Variants in MKNK2 observed in about 807,000 individuals in gnomAD.
The protein encoded by MKNK2 is MAPK interacting serine/threonine kinase 2.
In MKNK2, 54 loss-of-function variants were observed where a neutral mutation model predicts 55.0. That is an observed-to-expected ratio of 0.98 (90% CI 0.79 to 1.23). The LOEUF (loss-of-function observed/expected upper bound fraction) is 1.23, where lower values mean the gene tolerates loss of function less well. Ranked by LOEUF, MKNK2 falls within the 50% of genes most tolerant of loss-of-function variation. The pLI is 0.00. For synonymous variants in MKNK2, 323 were observed against 256.0 expected, an observed-to-expected ratio of 1.26 and a Z score of -2.50; for missense variants, 685 against 632.1, an observed-to-expected ratio of 1.08 and a Z score of -0.90.
Position 2,039,639 on chromosome 19 carries a change from C to G in MKNK2, c.1372G>C (p.Val458Leu), listed in dbSNP as rs577758504. 17 of 1,612,980 alleles carry G rather than the reference C, an allele frequency of 1.1e-5. No individual in the cohort carries two copies. In the African/African-American group the frequency reaches 2.1e-4, roughly 20 times the overall value. The change falls in exon 14 of 14, where the codon GTG becomes CTG. Residue 458 changes from valine to leucine, a missense_variant. Coordinates refer to ENST00000250896, the MANE Select transcript of MKNK2 (RefSeq NM_199054.3). ...CAGGCGTGGTCTCCCACCAGGACCA[C>G]TGGGGCCGAGGACAGACTGGCCCTT... ...RQRASLSSAP[V>L]VLVGDHA
In MKNK2 at chr19:2,037,847, A is replaced by AAAC. The variant is rs1555691186; in HGVS notation, c.*1765_*1766insGTT. 234 of 1,513,060 alleles carry AAAC rather than the reference A, an allele frequency of 1.5e-4. No homozygotes were observed. The South Asian group carries it at 2.3e-3, about 15-fold the overall frequency. 93.7% of individuals were successfully genotyped at this position (1,513,060 alleles called of 1,614,324 possible). On this transcript the variant is annotated 3_prime_UTR_variant, in exon 14 of 14. Transcript: ENST00000250896. ...TGTCCCACCTTCAGAAAAAAAAAAAAAAACAAACAAACAAACGCTGCTAGC... is the reference window on the plus strand; with the variant it reads ...TGTCCCACCTTCAGAAAAAAAAAAAAAACAAACAAACAAACAAACGCTGCTAGC...
intron 2 of MKNK2, among the ~76,000 whole-genome samples, chr19:2,049,214 G>A (rs757725092): frequency 6.6e-5 from 10 of 152,204 alleles, no homozygotes; most frequent in Admixed American, 1.3e-4. Context: ...AGGCACACGC[G>A]CCTGCAGTCT....
Position 2,038,162 on chromosome 19 carries a change from A to C in MKNK2, c.*1451T>G. 1 of 1,037,698 alleles carries C rather than the reference A, an allele frequency of 9.6e-7. No homozygotes were observed. The highest frequency in any genetic ancestry group is 1.2e-6 in the Non-Finnish European group (1 of 864,986). 64.3% of individuals were successfully genotyped at this position (1,037,698 alleles called of 1,614,324 possible). ...TTCAGGAGGGGCAGCAGGGCCAGGC[A>C]GACGGTCTCCGAGGCCCCCACCCCC... is the stretch of plus-strand genomic sequence containing the variant. On this transcript the variant is annotated 3_prime_UTR_variant, in exon 14 of 14. Coordinates refer to ENST00000250896, the MANE Select transcript of MKNK2 (RefSeq NM_199054.3).
At chr19:2,040,963 G>T (rs561483734) in intron 12 of MKNK2, 77 bp downstream of exon 12, 1 of 1,437,060 alleles carries the variant, frequency 7.0e-7, no homozygotes, top group African/African-American at 1.4e-5. Flanking sequence ...TACACCCTCA[G>T]GGCTTCCCAT....
In MKNK2 at chr19:2,041,141, T is replaced by C. The variant is rs781153211; in HGVS notation, c.1009A>G (p.Ile337Val). The part of the protein sequence containing the change: ...YEFPDKDWAH[I>V]SCAAKDLISK... ...ATGAGGTCTTTGGCAGCGCAGGAGA[T>C]GTGGGCCCAGTCCTTGTCGGGGAAC... The change falls in exon 12 of 14, where the codon ATC (isoleucine) becomes GTC (valine). Residue 337 changes from isoleucine to valine, a missense_variant. Physicochemically the swap from Ile to Val is conservative, Grantham distance 29. Coordinates refer to ENST00000250896, the MANE Select transcript of MKNK2 (RefSeq NM_199054.3). 5 of 1,614,012 alleles carry C rather than the reference T, an allele frequency of 3.1e-6. No homozygotes were observed. Among genetic ancestry groups the C allele is most frequent in the Middle Eastern group, 1.7e-4 (1 of 6,060 alleles).
chr19:2,043,030 A>G, intron 7 of MKNK2, 94 bp downstream of exon 7: 1 of 1,308,684 alleles, frequency 7.6e-7, no homozygotes, highest in Non-Finnish European at 1.1e-6. Context: ...CAGGACACTC[A>G]CCCCACAAGC....
At chr19:2,042,366 G>C in intron 10 of MKNK2, 61 bp downstream of exon 10, 1 of 1,443,806 alleles carries the variant, frequency 6.9e-7, no homozygotes, top group Non-Finnish European at 9.5e-7. Flanking sequence ...CCCAGGCTCC[G>C]CGAGGTTATG....
At chr19:2,049,723 C>G (rs1186688116) in intron 2 of MKNK2, among the ~76,000 whole-genome samples, 1 of 152,218 alleles carries the variant, frequency 6.6e-6, no homozygotes, top group Non-Finnish European at 1.5e-5. Context: ...AGGTCCTCCT[C>G]TTTCCCGCCC....
Position 2,039,514 on chromosome 19 carries a change from G to A in MKNK2, c.*99C>T, listed in dbSNP as rs1407100574. The A allele has an allele frequency of 2.0e-6, 3 of 1,468,582 alleles. No individual in the cohort carries two copies. Among genetic ancestry groups the A allele is most frequent in the East Asian group, 2.4e-5 (1 of 40,940 alleles). The allele number at this position is 1,468,582 out of a possible 1,614,324, so 91.0% of individuals were successfully genotyped here. A position where few individuals can be genotyped will look rare whatever the true frequency, so the allele number is the denominator to read the frequency against. On this transcript the variant is annotated 3_prime_UTR_variant, in exon 14 of 14. Coordinates refer to ENST00000250896, the MANE Select transcript of MKNK2 (RefSeq NM_199054.3). ...CTTAGTGCCTGGGAATCCAGGCAGA[G>A]GAGGGGCAGCCCGCTGGACACCGGC...
At chr19:2,043,837 G>A (rs2016944465) in intron 5 of MKNK2, among the ~76,000 whole-genome samples, 2 of 152,058 alleles carry the variant, frequency 1.3e-5, no homozygotes, top group South Asian at 2.1e-4. Context: ...AGCTGGGTGT[G>A]GTGGTACACG....
At chr19:2,041,817 G>A (rs2016890137) in intron 11 of MKNK2, 23 bp downstream of exon 11, 5 of 1,495,170 alleles carry the variant, frequency 3.3e-6, no homozygotes, top group Non-Finnish European at 3.6e-6. Context: ...GCCCAGGAGA[G>A]GAGGGTGCGC....
intron 12 of MKNK2, chr19:2,040,419 C>G (rs1027533171): frequency 1.9e-6 from 1 of 515,990 alleles, no homozygotes; most frequent in Non-Finnish European, 3.4e-6. Flanking sequence ...TGTTACAGGA[C>G]CCAGTGAGGG....
rs1247799089 is a variant in MKNK2, at chr19:2,038,481, G to A, written c.*1132C>T. On this transcript the variant is annotated 3_prime_UTR_variant, in exon 14 of 14. Transcript: ENST00000250896. Reference sequence around the variant, plus strand: ...CCCCGGGGGTTGGAGCATGGAGGGTGGGGGGACTGAGCAGACCCCCGCATT... The same window carrying A: ...CCCCGGGGGTTGGAGCATGGAGGGTAGGGGGACTGAGCAGACCCCCGCATT... 3.0e-5 allele frequency: 30 copies of A among 985,044 alleles called. No homozygotes were observed. The highest frequency in any genetic ancestry group is 1.9e-5 in the Non-Finnish European group (16 of 829,588). 61.0% of individuals were successfully genotyped at this position (985,044 alleles called of 1,614,324 possible).
intron 10 of MKNK2, 93 bp from the exon 11 acceptor site, chr19:2,042,127 T>TCGGACCCCGCCC: frequency 8.0e-7 from 1 of 1,245,154 alleles, no homozygotes; most frequent in Non-Finnish European, 1.1e-6. Flanking sequence ...GCCAGCCGGC[T>TCGGACCCCGCCC]CGGACCCCGC....
chr19:2,040,972 A>T, intron 12 of MKNK2, 68 bp downstream of exon 12: 1 of 1,501,232 alleles, frequency 6.7e-7, no homozygotes, highest in Non-Finnish European at 9.2e-7. Context: ...AGGGCTTCCC[A>T]TGCTCGCTCT....
At position 2,037,918 on chromosome 19, in the gene MKNK2, G is replaced by T; in HGVS notation, c.*1695C>A. On this transcript the variant is annotated 3_prime_UTR_variant, in exon 14 of 14. Transcript: ENST00000250896. ...ATGGCTATGGGCGCCTGCAGCGGGC[G>T]GGGGTCCATTTGCTTGTTCTTTGAT... 7.1e-7 allele frequency: 1 copy of T among 1,402,796 alleles called. No homozygotes were observed. Among genetic ancestry groups the T allele is most frequent in the East Asian group, 2.5e-5 (1 of 39,506 alleles). 86.9% of individuals were successfully genotyped at this position (1,402,796 alleles called of 1,614,324 possible). A position where few individuals can be genotyped will look rare whatever the true frequency, so the allele number is the denominator to read the frequency against.
rs918900527 is a variant in MKNK2 at position 2,050,789 on chromosome 19, C to G, written c.51+12G>C. ...CAGCCCGGAGCGCCCCCAAACCGAC[C>G]CCGGGCCTCACCTTGAACGAACGGT... is the stretch of plus-strand genomic sequence containing the variant. On this transcript the variant is annotated intron_variant, in intron 2 of 13. Coordinates refer to ENST00000250896, the MANE Select transcript of MKNK2 (RefSeq NM_199054.3). The G allele has an allele frequency of 3.9e-6, 6 of 1,536,186 alleles. No individual in the cohort carries two copies. Among genetic ancestry groups the G allele is most frequent in the Non-Finnish European group, 4.4e-6 (5 of 1,141,402 alleles).
intron 5 of MKNK2, among the ~76,000 whole-genome samples, chr19:2,043,944 A>G (rs1008418903): frequency 7.4e-6 from 1 of 134,802 alleles, no homozygotes; most frequent in African/African-American, 2.9e-5. Flanking sequence ...ATTGCACTCC[A>G]GCATCCTGGT....
At chr19:2,043,043 C>A in intron 7 of MKNK2, 81 bp downstream of exon 7, 3 of 1,350,288 alleles carry the variant, frequency 2.2e-6, no homozygotes, top group Non-Finnish European at 3.2e-6. Flanking sequence ...CCACAAGCCC[C>A]CTCCTGCAGG....
Sources: allele counts gnomAD v4.1 joint callset (sites outside exome capture counted in the v4.1 genomes callset), GRCh38; gene constraint gnomAD v4.1.1; transcripts MANE v1.5; gene names NCBI Gene and HGNC (gene_info 2026-07-23, HGNC 2026-07-21).